Variants in NEO1 observed in about 807,000 individuals in gnomAD.
NEO1 encodes the protein neogenin.
In NEO1, 63 loss-of-function variants were observed where a neutral mutation model predicts 159.7. The observed-to-expected ratio is 0.39, with a 90% confidence interval of 0.32 to 0.49. The LOEUF (loss-of-function observed/expected upper bound fraction) is 0.49, where lower values mean the gene tolerates loss of function less well. NEO1 is among the 20% of genes least tolerant of loss of function. The probability of loss-of-function intolerance (pLI) is 0.85; values close to 1 mark genes in which losing one functional copy is unlikely to be tolerated. For missense variants in NEO1, 1,615 were observed against 1,831.0 expected (o/e 0.88, Z 2.15); for synonymous variants, 633 against 662.0 (o/e 0.96, Z 0.67).
At chr15:73,224,311 A>C (rs2038453661) in intron 7 of NEO1, among the ~76,000 whole-genome samples, 1 of 152,132 alleles carries the variant, frequency 6.6e-6, no homozygotes, top group Non-Finnish European at 1.5e-5. Flanking sequence ...TTTGCAATGA[A>C]TTTCCCAGGT....
intron 5 of NEO1, among the ~76,000 whole-genome samples, chr15:73,167,275 TA>T (rs57353803): frequency 0.34 from 49,509 of 144,408 alleles, 8,965 homozygotes; most frequent in Admixed American, 0.46. Context: ...AAGGTATAAT[TA>T]AAAAAAAAAA....
chr15:73,126,835 C>A (rs1387725843), intron 4 of NEO1, among the ~76,000 whole-genome samples: 1 of 152,106 alleles, frequency 6.6e-6, no homozygotes, highest in Non-Finnish European at 1.5e-5. Flanking sequence ...TCAGGATTTT[C>A]TTCCCTAAAT....
intron 1 of NEO1, among the ~76,000 whole-genome samples, chr15:73,106,233 T>G (rs948972673): frequency 6.6e-6 from 1 of 152,132 alleles, no homozygotes; most frequent in Non-Finnish European, 1.5e-5. Flanking sequence ...CCAGAAATAA[T>G]ACAATTTTTT....
At chr15:73,151,986 A>G (rs1239600245) in intron 5 of NEO1, among the ~76,000 whole-genome samples, 1 of 152,204 alleles carries the variant, frequency 6.6e-6, no homozygotes, top group Non-Finnish European at 1.5e-5. Context: ...CCTTTAGTAA[A>G]TAATTGAATT....
At chr15:73,283,239 T>G in intron 23 of NEO1, 128 bp downstream of exon 23, 3 of 1,141,524 alleles carry the variant, frequency 2.6e-6, no homozygotes, top group Non-Finnish European at 3.7e-6. Flanking sequence ...TAAGATATTT[T>G]AAAAGAAAAT....
At chr15:73,133,826 C>T (rs543400779) in intron 4 of NEO1, among the ~76,000 whole-genome samples, 26 of 152,214 alleles carry the variant, frequency 1.7e-4, no homozygotes, top group African/African-American at 6.3e-4. Context: ...CATTATTTCT[C>T]CCAGCCTTTT....
At chr15:73,189,068 T>C (rs1392688019) in intron 7 of NEO1, among the ~76,000 whole-genome samples, 2 of 152,194 alleles carry the variant, frequency 1.3e-5, no homozygotes, top group Non-Finnish European at 2.9e-5. Flanking sequence ...CACTGCACTC[T>C]AGCCTGGGCA....
At chr15:73,070,972 A>G (rs1224782126) in intron 1 of NEO1, among the ~76,000 whole-genome samples, 1 of 152,130 alleles carries the variant, frequency 6.6e-6, no homozygotes, top group Non-Finnish European at 1.5e-5. Context: ...TTCTTTTTAA[A>G]AATATTTTTA....
intron 25 of NEO1, among the ~76,000 whole-genome samples, chr15:73,291,835 T>C (rs2151141572): frequency 6.6e-6 from 1 of 152,342 alleles, no homozygotes; most frequent in Non-Finnish European, 1.5e-5. Context: ...AATTTTGTTT[T>C]TCCCTTGTGA....
chr15:73,151,949 A>G (rs762421172), intron 5 of NEO1, among the ~76,000 whole-genome samples: 6 of 152,236 alleles, frequency 3.9e-5, no homozygotes, highest in Non-Finnish European at 8.8e-5. Flanking sequence ...TTTTGGCCAC[A>G]TAAACTACTG....
chr15:73,229,543 T>G (rs1457847627), intron 7 of NEO1, among the ~76,000 whole-genome samples: 2 of 151,832 alleles, frequency 1.3e-5, no homozygotes, highest in Non-Finnish European at 2.9e-5. Flanking sequence ...TCCTTTCCCA[T>G]CAGTATTTCC....
intron 1 of NEO1, among the ~76,000 whole-genome samples, chr15:73,064,131 A>G (rs1281660935): frequency 4.6e-5 from 7 of 152,192 alleles, no homozygotes; most frequent in Non-Finnish European, 1.0e-4. Flanking sequence ...AAGTAGAGGC[A>G]TTTCTGTTTC....
At chr15:73,160,262 C>T (rs566980939) in intron 5 of NEO1, among the ~76,000 whole-genome samples, 5 of 152,138 alleles carry the variant, frequency 3.3e-5, no homozygotes, top group African/African-American at 1.2e-4. Flanking sequence ...TCTGTGATCC[C>T]AGAATGTGGG....
Position 73,254,664 on chromosome 15 carries a change from T to C in NEO1, c.1945-18T>C, listed in dbSNP as rs1353459607. Reference sequence around the variant, plus strand: ...TTTGATATATTCAGCCTTTTTTCTATAATTCTGTCTTGTGCAGAGTATTAT... The same window carrying C: ...TTTGATATATTCAGCCTTTTTTCTACAATTCTGTCTTGTGCAGAGTATTAT... On this transcript the variant is annotated intron_variant, in intron 12 of 28. Transcript: ENST00000261908. The C allele has an allele frequency of 5.1e-6, 8 of 1,575,136 alleles. No homozygotes were observed. The highest frequency in any genetic ancestry group is 4.0e-5 in the Admixed American group (2 of 50,104).
intron 5 of NEO1, among the ~76,000 whole-genome samples, chr15:73,164,688 C>T (rs2034449770): frequency 6.6e-6 from 1 of 152,214 alleles, no homozygotes; most frequent in South Asian, 2.1e-4. Flanking sequence ...ATCTATTCTT[C>T]TAAAACCCTT....
chr15:73,101,270 A>G (rs1382109608), intron 1 of NEO1, among the ~76,000 whole-genome samples: 1 of 152,188 alleles, frequency 6.6e-6, no homozygotes, highest in Non-Finnish European at 1.5e-5. Context: ...AGGATTTTCC[A>G]GGTTTCTGTT....
chr15:73,103,552 T>C (rs1490747691), intron 1 of NEO1, among the ~76,000 whole-genome samples: 1 of 152,212 alleles, frequency 6.6e-6, no homozygotes, highest in Non-Finnish European at 1.5e-5. Flanking sequence ...ACTTTGTACA[T>C]ATCCTGTCAT....
At chr15:73,069,152 A>G (rs1200889142) in intron 1 of NEO1, among the ~76,000 whole-genome samples, 1 of 142,398 alleles carries the variant, frequency 7.0e-6, no homozygotes. Context: ...TTGTAGAGAC[A>G]GGGTTTTGCT....
chr15:73,271,682 G>A (rs554340791), intron 18 of NEO1, among the ~76,000 whole-genome samples: 10 of 152,236 alleles, frequency 6.6e-5, no homozygotes, highest in Non-Finnish European at 1.0e-4. Flanking sequence ...CATGGTGGGC[G>A]GATCACCTGA....
Sources: gnomAD v4.1 joint callset for allele counts (sites outside exome capture counted in the v4.1 genomes callset) on GRCh38, gnomAD v4.1.1 for gene constraint, MANE v1.5 for transcripts, NCBI Gene and HGNC (gene_info 2026-07-23, HGNC 2026-07-21) for gene names.